The following EIF5A2 variants were observed in gnomAD, a reference collection of about 807,000 sequenced individuals.
The protein encoded by EIF5A2 is eukaryotic translation initiation factor 5A2.
In EIF5A2, 15 loss-of-function variants were observed where a neutral mutation model predicts 16.4. That is an observed-to-expected ratio of 0.92 (90% confidence interval 0.61 to 1.41). EIF5A2 has a LOEUF of 1.41. Among genes scored for constraint, EIF5A2 ranks in the 40% most tolerant of loss-of-function variants. EIF5A2 has a pLI of 0.00. For synonymous variants in EIF5A2, 48 were observed against 61.1 expected (o/e 0.79, Z 1.00); for missense variants, 144 against 189.5 (o/e 0.76, Z 1.41).
chr3:170,888,576 G>A lies in EIF5A2; in HGVS notation c.*4784C>T, dbSNP rs1488077413. The A allele has an allele frequency of 2.0e-5, 3 of 152,418 alleles. No homozygotes were observed. The highest frequency in any genetic ancestry group is 2.0e-4 in the Admixed American group (3 of 15,252). The allele number at this position is 152,418 out of a possible 1,614,324, so 9.4% of individuals were successfully genotyped here. ...TTTGAATTTTAACTATTTTTGAAAT[G>A]TAAAATGTACAATTAGTAATACCCA... On this transcript the variant is annotated 3_prime_UTR_variant, in exon 5 of 5. Coordinates refer to ENST00000295822, the MANE Select transcript of EIF5A2 (RefSeq NM_020390.6).
chr3:170,900,553 G>C (rs1390856880), intron 3 of EIF5A2, among the ~76,000 whole-genome samples: 1 of 152,064 alleles, frequency 6.6e-6, no homozygotes, highest in Non-Finnish European at 1.5e-5. Context: ...AGGGACTCAA[G>C]AGCTAACTTG....
chr3:170,906,889 C>A, intron 3 of EIF5A2, 100 bp downstream of exon 3: 2 of 688,786 alleles, frequency 2.9e-6, no homozygotes, highest in East Asian at 3.0e-5. Context: ...TTAGAAAAAC[C>A]TACAAAACTA....
intron 3 of EIF5A2, among the ~76,000 whole-genome samples, chr3:170,895,061 T>A (rs1408753621): frequency 6.7e-6 from 1 of 150,258 alleles, no homozygotes; most frequent in African/African-American, 2.4e-5. Flanking sequence ...ATATTATAAG[T>A]ACTTTACAGT....
intron 3 of EIF5A2, among the ~76,000 whole-genome samples, chr3:170,905,729 C>T (rs969223055): frequency 3.3e-5 from 5 of 152,084 alleles, no homozygotes; most frequent in African/African-American, 4.8e-5. Flanking sequence ...CTTTTTGGTA[C>T]GTATCTACTT....
intron 3 of EIF5A2, among the ~76,000 whole-genome samples, chr3:170,901,151 T>C (rs1372924395): frequency 6.6e-6 from 1 of 152,026 alleles, no homozygotes; most frequent in Non-Finnish European, 1.5e-5. Context: ...ATCCATACAG[T>C]GGGAAAGTCT....
rs567147318 is a variant in EIF5A2 at position 170,891,308 on chromosome 3, T to C, written c.*2052A>G. The C allele has an allele frequency of 6.5e-6, 1 of 152,706 alleles. No individual in the cohort carries two copies. Among genetic ancestry groups the C allele is most frequent in the Non-Finnish European group, 1.5e-5 (1 of 68,008 alleles). 9.5% of individuals were successfully genotyped at this position (152,706 alleles called of 1,614,324 possible). A position where few individuals can be genotyped will look rare whatever the true frequency, so the allele number is the denominator to read the frequency against. ...ACAGAGTACTAAGAAACTAGAGCAG[T>C]ATGTAGTAGGTACTTAAATAGAATA... On this transcript the variant is annotated 3_prime_UTR_variant, in exon 5 of 5. Transcript: ENST00000295822.
rs1331596928 is a variant in EIF5A2, at chr3:170,892,774, C to T, written c.*586G>A. 5.0e-6 allele frequency: 2 copies of T among 398,570 alleles called. No homozygotes were observed. The highest frequency in any genetic ancestry group is 4.1e-5 in the African/African-American group (2 of 48,616). 24.7% of individuals were successfully genotyped at this position (398,570 alleles called of 1,614,324 possible). ...GGACTAAAACCACCATATAAGGTTACATCAAGTTTGCCAACAATTTGGTAA... is the reference window on the plus strand; with the variant it reads ...GGACTAAAACCACCATATAAGGTTATATCAAGTTTGCCAACAATTTGGTAA... On this transcript the variant is annotated 3_prime_UTR_variant, in exon 5 of 5. Coordinates refer to ENST00000295822, the MANE Select transcript of EIF5A2 (RefSeq NM_020390.6).
At chr3:170,898,174 G>A (rs886813557) in intron 3 of EIF5A2, among the ~76,000 whole-genome samples, 6 of 152,178 alleles carry the variant, frequency 3.9e-5, no homozygotes, top group African/African-American at 1.2e-4. Context: ...GCTCATAGGC[G>A]GAAGGGACTT....
intron 3 of EIF5A2, among the ~76,000 whole-genome samples, chr3:170,901,603 G>A (rs928253810): frequency 1.3e-5 from 2 of 149,576 alleles, no homozygotes; most frequent in African/African-American, 4.9e-5. Context: ...TCTGTCGCCA[G>A]GCTGGAGTGC....
chr3:170,895,556 C>A (rs1183736417), intron 3 of EIF5A2, among the ~76,000 whole-genome samples: 4 of 152,162 alleles, frequency 2.6e-5, no homozygotes, highest in Admixed American at 2.6e-4. Context: ...GAGTCAAAGA[C>A]AATGGTCCTT....
At position 170,907,639 on chromosome 3, in the gene EIF5A2, T is replaced by TA; in HGVS notation, c.165+2dup. The TA allele has an allele frequency of 3.1e-6, 5 of 1,588,392 alleles. No individual in the cohort carries two copies. Among genetic ancestry groups the TA allele is most frequent in the Non-Finnish European group, 4.3e-6 (5 of 1,159,488 alleles). ...CCAAAGCCTGATCTGCAAGGGTACT[T>TA]ACCTTGGCATGACCATGCTTTCCAG... On this transcript the variant is annotated splice_region_variant and intron_variant, in intron 2 of 4. Coordinates refer to ENST00000295822, the MANE Select transcript of EIF5A2 (RefSeq NM_020390.6).
intron 3 of EIF5A2, among the ~76,000 whole-genome samples, chr3:170,904,144 G>A (rs1186398563): frequency 2.0e-5 from 3 of 152,052 alleles, no homozygotes; most frequent in Non-Finnish European, 2.9e-5. Flanking sequence ...ACTCAGTCCC[G>A]GACATCTATA....
intron 3 of EIF5A2, among the ~76,000 whole-genome samples, chr3:170,894,798 G>A (rs150210638): frequency 0.057 from 8,513 of 150,646 alleles, 388 homozygotes; most frequent in East Asian, 0.19. Flanking sequence ...AGGCCGAGGC[G>A]GGCGGATCAT....
At chr3:170,893,483 T>C (rs902026502) in intron 4 of EIF5A2, 64 bp from the exon 5 acceptor site, 16 of 1,537,516 alleles carry the variant, frequency 1.0e-5, no homozygotes, top group Non-Finnish European at 1.3e-5. Flanking sequence ...ATATAATTAG[T>C]TCCTCATATA....
At chr3:170,908,219 C>A (rs1007067506) in intron 1 of EIF5A2, among the ~76,000 whole-genome samples, 1 of 152,210 alleles carries the variant, frequency 6.6e-6, no homozygotes, top group Admixed American at 6.5e-5. Flanking sequence ...CCGCAGGTCC[C>A]CGCGAAGGAT....
chr3:170,897,360 A>AT (rs1712699437), intron 3 of EIF5A2, among the ~76,000 whole-genome samples: 2 of 152,200 alleles, frequency 1.3e-5, no homozygotes, highest in African/African-American at 4.8e-5. Flanking sequence ...CATTCCAGAT[A>AT]TCTTCATGGC....
chr3:170,893,179 A>G lies in EIF5A2; in HGVS notation c.*181T>C. On this transcript the variant is annotated 3_prime_UTR_variant, in exon 5 of 5. Transcript: ENST00000295822. ...ATCTACAAAATTCAAAAAAAATTAT[A>G]CATATTGATAATTTTTTAAAAATTA... is the stretch of plus-strand genomic sequence containing the variant. 2.1e-6 allele frequency: 1 copy of G among 485,504 alleles called. No homozygotes were observed. Among genetic ancestry groups the G allele is most frequent in the Non-Finnish European group, 3.5e-6 (1 of 284,500 alleles). The allele number at this position is 485,504 out of a possible 1,614,324, so 30.1% of individuals were successfully genotyped here. A position where few individuals can be genotyped will look rare whatever the true frequency, so the allele number is the denominator to read the frequency against.
rs767066779 is a variant in EIF5A2 at position 170,894,289 on chromosome 3, T to C, written c.402+3A>G. The C allele has an allele frequency of 1.9e-6, 3 of 1,613,050 alleles. No homozygotes were observed. Among genetic ancestry groups the C allele is most frequent in the East Asian group, 2.2e-5 (1 of 44,810 alleles). On this transcript the variant is annotated splice_donor_region_variant and intron_variant, in intron 4 of 4. Coordinates refer to ENST00000295822, the MANE Select transcript of EIF5A2 (RefSeq NM_020390.6). ...CAAAAATAATCCTTCTCTAAGTCTTTACCTGTACATCTTCACCTGCATTGT... is the reference window on the plus strand; with the variant it reads ...CAAAAATAATCCTTCTCTAAGTCTTCACCTGTACATCTTCACCTGCATTGT...
intron 3 of EIF5A2, among the ~76,000 whole-genome samples, chr3:170,898,359 A>G (rs1360438496): frequency 6.6e-6 from 1 of 152,236 alleles, no homozygotes; most frequent in Non-Finnish European, 1.5e-5. Context: ...CCCAAATCTC[A>G]TCTTGAATTA....
Sources: gnomAD v4.1 joint callset for allele counts (sites outside exome capture counted in the v4.1 genomes callset) on GRCh38, gnomAD v4.1.1 for gene constraint, MANE v1.5 for transcripts, NCBI Gene and HGNC (gene_info 2026-07-23, HGNC 2026-07-21) for gene names.